The following FAM53A variants were observed in gnomAD, a reference collection of about 807,000 sequenced individuals.
The protein encoded by FAM53A is protein FAM53A.
Under a neutral mutation model 26.6 loss-of-function variants are expected in FAM53A, and 28 were observed. That is an observed-to-expected ratio of 1.05 (90% CI 0.78 to 1.45). The LOEUF (loss-of-function observed/expected upper bound fraction) is 1.45, where lower values mean the gene tolerates loss of function less well. Ranked by LOEUF, FAM53A falls within the 40% of genes most tolerant of loss-of-function variation. The pLI, the probability that FAM53A is intolerant of heterozygous loss-of-function variation, is 0.00. For missense variants in FAM53A, 650 were observed against 575.8 expected, an observed-to-expected ratio of 1.13 and a Z score of -1.32; for synonymous variants, 290 against 253.1, an observed-to-expected ratio of 1.15 and a Z score of -1.38.
the FAM53A span, among the ~76,000 whole-genome samples, chr4:1,586,984 C>A: frequency 6.6e-6 from 1 of 152,292 alleles, no homozygotes; most frequent in South Asian, 2.1e-4. Context: ...ATTTCCCTGA[C>A]TGTTCATGAC....
chr4:1,628,834 G>T (rs1303687161), intron 1 of FAM53A, among the ~76,000 whole-genome samples: 1 of 139,522 alleles, frequency 7.2e-6, no homozygotes, highest in Non-Finnish European at 1.6e-5. Flanking sequence ...GCATGGGGGA[G>T]GTTGGCATGG....
chr4:1,636,080 C>T (rs1435225330), downstream of FAM53A, among the ~76,000 whole-genome samples: 1 of 152,108 alleles, frequency 6.6e-6, no homozygotes, highest in African/African-American at 2.4e-5. Context: ...ATCTCCTGAC[C>T]TCATGATCTG....
intron 1 of FAM53A, among the ~76,000 whole-genome samples, chr4:1,619,780 C>T (rs186007001): frequency 1.0e-3 from 157 of 152,364 alleles, no homozygotes; most frequent in Non-Finnish European, 1.9e-3. Context: ...GGCGTCCACA[C>T]GCAAAGCCCT....
the FAM53A span, among the ~76,000 whole-genome samples, chr4:1,606,201 G>C: frequency 1.1e-3 from 170 of 151,796 alleles, no homozygotes; most frequent in African/African-American, 3.8e-3. Context: ...ACCACACCTG[G>C]ATAATTTTTT....
In FAM53A at chr4:1,641,296, G is replaced by A; in HGVS notation, c.1194C>T (p.Asn398=). 6.2e-7 allele frequency: 1 copy of A among 1,612,966 alleles called. No individual in the cohort carries two copies. The highest frequency in any genetic ancestry group is 8.5e-7 in the Non-Finnish European group (1 of 1,179,884). The change falls in exon 5 of 5, where the codon AAC becomes AAT. Residue 398 remains asparagine (N), a synonymous_variant. Coordinates refer to ENST00000308132, the MANE Select transcript of FAM53A (RefSeq NM_001174070.3). ...WELDLEQIEN[N] ...CCCCGACCAGCCCCCACCAGCCTCA[G>A]TTGTTCTCGATCTGCTCCAGGTCCA...
intron 1 of FAM53A, among the ~76,000 whole-genome samples, chr4:1,624,450 T>A (rs1240988903): frequency 6.6e-6 from 1 of 152,170 alleles, no homozygotes; most frequent in Non-Finnish European, 1.5e-5. Context: ...GTGCGGAGGC[T>A]GACGGGTCAT....
chr4:1,611,440 C>A, the FAM53A span, among the ~76,000 whole-genome samples: 1 of 152,226 alleles, frequency 6.6e-6, no homozygotes, highest in African/African-American at 2.4e-5. Context: ...GTCACAGAGG[C>A]TCCTCACCAG....
the FAM53A span, among the ~76,000 whole-genome samples, chr4:1,599,829 G>A: frequency 3.4e-3 from 517 of 152,304 alleles, 7 homozygotes; most frequent in African/African-American, 0.012. The surrounding 1 kb of genome is among the most constrained non-coding windows in gnomAD (Gnocchi z 6.1). Context: ...GGGGCCAGTG[G>A]CGCTGAGTGT....
At chr4:1,610,590 G>C in the FAM53A span, among the ~76,000 whole-genome samples, 1 of 152,032 alleles carries the variant, frequency 6.6e-6, no homozygotes, top group Non-Finnish European at 1.5e-5. Flanking sequence ...GGTGGCCTGG[G>C]GTGGAGAGAC....
the FAM53A span, among the ~76,000 whole-genome samples, chr4:1,606,461 G>A: frequency 6.6e-6 from 1 of 152,064 alleles, no homozygotes; most frequent in Non-Finnish European, 1.5e-5. Context: ...GCCGAGACCC[G>A]ATGCCCTTCA....
chr4:1,593,687 C>T, the FAM53A span, among the ~76,000 whole-genome samples: 1 of 151,952 alleles, frequency 6.6e-6, no homozygotes, highest in Admixed American at 6.6e-5. Context: ...GAGCGGCTGC[C>T]GGGGTATAAA....
Position 1,659,357 on chromosome 4 carries a change from G to C in FAM53A, c.76-1889C>G, listed in dbSNP as rs1713657141. ...CGGGCCTCCCCGCAGCAAGCACCAG[G>C]ACCTCGCTCTCCTCCTGTTCCGCAC... is the stretch of plus-strand genomic sequence containing the variant. On this transcript the variant is annotated intron_variant, in intron 2 of 4. Transcript: ENST00000308132. This position sits in a 1 kb window ranked among gnomAD's most constrained non-coding sequence, Gnocchi z 5.2. Among the ~76,000 whole-genome samples, 1 of 152,230 alleles carries C rather than the reference G, an allele frequency of 6.6e-6. No homozygotes were observed. Among genetic ancestry groups the C allele is most frequent in the Admixed American group, 6.5e-5 (1 of 15,282 alleles).
At chr4:1,664,420 GA>G (rs766676810) in intron 2 of FAM53A, among the ~76,000 whole-genome samples, 3 of 152,150 alleles carry the variant, frequency 2.0e-5, no homozygotes, top group Non-Finnish European at 4.4e-5. Flanking sequence ...CCTCATACAT[GA>G]ATGTACGAGT....
Position 1,679,363 on chromosome 4 carries a change from G to T in FAM53A, c.-165+4870C>A, listed in dbSNP as rs574344513. Among the ~76,000 whole-genome samples, 27 of 139,192 alleles carry T rather than the reference G, an allele frequency of 1.9e-4. No homozygotes were observed. The South Asian group carries it at 6.1e-3, about 31-fold the overall frequency. 91.3% of individuals were successfully genotyped at this position (139,192 alleles called of 152,430 possible). ...ATCATGCCACTGCACTCCAGCCTAG[G>T]TGACAGGGTGAGACCATGTCTCCAA... On this transcript the variant is annotated intron_variant, in intron 1 of 4. Transcript: ENST00000308132.
chr4:1,627,167 C>G (rs1312959675), intron 1 of FAM53A, among the ~76,000 whole-genome samples: 1 of 152,202 alleles, frequency 6.6e-6, no homozygotes, highest in African/African-American at 2.4e-5. Context: ...CACAGCCTCC[C>G]TCAGCCAACC....
At chr4:1,600,613 G>A in the FAM53A span, among the ~76,000 whole-genome samples, 4 of 152,198 alleles carry the variant, frequency 2.6e-5, no homozygotes, top group African/African-American at 9.6e-5. Flanking sequence ...GGTCCCCATC[G>A]GCTTGCCTCC....
intron 1 of FAM53A, among the ~76,000 whole-genome samples, chr4:1,631,651 C>G (rs1008706829): frequency 2.6e-5 from 4 of 151,926 alleles, no homozygotes; most frequent in Non-Finnish European, 5.9e-5. Flanking sequence ...CTGAGGCACC[C>G]TACAGAAGGA....
chr4:1,647,552 G>A (rs546113872), intron 4 of FAM53A, among the ~76,000 whole-genome samples: 12 of 152,160 alleles, frequency 7.9e-5, no homozygotes, highest in Non-Finnish European at 1.8e-4. Flanking sequence ...GATAAGCCCC[G>A]ACATAGGAGC....
chr4:1,658,222 G>C (rs1044027566), intron 2 of FAM53A, among the ~76,000 whole-genome samples: 3 of 151,494 alleles, frequency 2.0e-5, no homozygotes, highest in African/African-American at 7.3e-5. Flanking sequence ...GGGTTTCACC[G>C]TGTCAGCCAG....
Sources: gnomAD v4.1 joint callset for allele counts (sites outside exome capture counted in the v4.1 genomes callset) on GRCh38, gnomAD v4.1.1 for gene constraint, Gnocchi (gnomAD v3.1) non-coding constraint, MANE v1.5 for transcripts, NCBI Gene and HGNC (gene_info 2026-07-23, HGNC 2026-07-21) for gene names.